The following ALX3 variants were observed in gnomAD, a reference collection of about 807,000 sequenced individuals.
The protein encoded by ALX3 is ALX homeobox 3.
In ALX3, 17 loss-of-function variants were observed where a neutral mutation model predicts 26.3. The observed-to-expected ratio is 0.65, with a 90% CI of 0.44 to 0.97. The LOEUF (loss-of-function observed/expected upper bound fraction) is 0.97, where lower values mean the gene tolerates loss of function less well. ALX3 is among the 50% of genes least tolerant of loss of function. ALX3 has a pLI of 0.00. For synonymous variants in ALX3, 208 were observed against 201.4 expected, an observed-to-expected ratio of 1.03 and a Z score of -0.28; for missense variants, 461 against 466.5, an observed-to-expected ratio of 0.99 and a Z score of 0.11.
rs745864846 is a variant in ALX3, at chr1:110,060,720, T to G, written c.*13A>C. On this transcript the variant is annotated 3_prime_UTR_variant, in exon 4 of 4. Transcript: ENST00000647563. ...AGAGGTGGGCAGCTCATTCTGCAGG[T>G]CCATGCAACCGATCACGTGGTCCAG... 1.5e-5 allele frequency: 21 copies of G among 1,392,740 alleles called. No homozygotes were observed. The Admixed American group carries it at 4.5e-4, about 30-fold the overall frequency. The allele number at this position is 1,392,740 out of a possible 1,614,324, so 86.3% of individuals were successfully genotyped here.
Position 110,060,727 on chromosome 1 carries a change from AACCGATC to A in ALX3, c.1031_*5del. ...GGCAGCTCATTCTGCAGGTCCATGC[AACCGATC>A]ACGTGGTCCAGTTCAGAAGGCCGGG... is the stretch of plus-strand genomic sequence containing the variant. On this transcript the variant is annotated stop_lost and 3_prime_UTR_variant, in exon 4 of 4. Coordinates refer to ENST00000647563, the MANE Select transcript of ALX3 (RefSeq NM_006492.3). The A allele has an allele frequency of 1.4e-6, 2 of 1,446,958 alleles. No homozygotes were observed. The highest frequency in any genetic ancestry group is 1.8e-6 in the Non-Finnish European group (2 of 1,092,326). 89.6% of individuals were successfully genotyped at this position (1,446,958 alleles called of 1,614,324 possible). A position where few individuals can be genotyped will look rare whatever the true frequency, so the allele number is the denominator to read the frequency against.
intron 2 of ALX3, among the ~76,000 whole-genome samples, chr1:110,063,916 G>A (rs116339159): frequency 0.012 from 1,753 of 151,964 alleles, 20 homozygotes; most frequent in South Asian, 0.04. Flanking sequence ...CCCACAGGCT[G>A]GGCTCCCCCC....
chr1:110,070,227 G>A (rs1239774486), intron 1 of ALX3, 109 bp downstream of exon 1: 2 of 1,202,114 alleles, frequency 1.7e-6, no homozygotes, highest in Admixed American at 8.0e-5. Flanking sequence ...GGGGCAAAAA[G>A]TTGAGAAATA....
intron 1 of ALX3, among the ~76,000 whole-genome samples, chr1:110,067,368 A>G (rs969154177): frequency 1.8e-4 from 28 of 152,286 alleles, no homozygotes; most frequent in African/African-American, 6.5e-4. Context: ...CTCATGTTGG[A>G]GACAGCCTGA....
At chr1:110,064,991 C>T in intron 1 of ALX3, 88 bp from the exon 2 acceptor site, 5 of 1,292,596 alleles carry the variant, frequency 3.9e-6, no homozygotes, top group Non-Finnish European at 4.2e-6. Context: ...AACATTGACG[C>T]CTCAGTCTCC....
intron 2 of ALX3, chr1:110,062,645 GGAGTAATCCGTCTACCCCAGC>G (rs1653681823): frequency 1.5e-5 from 2 of 132,300 alleles, no homozygotes; most frequent in African/African-American, 5.6e-5. Context: ...GTGTGTGTGT[GGAGTAATCCGTCTACCCCAGC>G]TGGGATCAGG....
intron 1 of ALX3, among the ~76,000 whole-genome samples, chr1:110,068,892 C>T (rs566608853): frequency 6.6e-6 from 1 of 152,362 alleles, no homozygotes; most frequent in African/African-American, 2.4e-5. Flanking sequence ...TGGGTTTCTC[C>T]CGGCCGCTCG....
In ALX3 at chr1:110,060,670, G is replaced by GTGTCCAGGCAGGGGTGGA; in HGVS notation, c.*62_*63insTCCACCCCTGCCTGGACA. 3 of 441,466 alleles carry GTGTCCAGGCAGGGGTGGA rather than the reference G, an allele frequency of 6.8e-6. No homozygotes were observed. The highest frequency in any genetic ancestry group is 6.0e-6 in the Non-Finnish European group (2 of 332,242). 27.3% of individuals were successfully genotyped at this position (441,466 alleles called of 1,614,324 possible). On this transcript the variant is annotated 3_prime_UTR_variant, in exon 4 of 4. Coordinates refer to ENST00000647563, the MANE Select transcript of ALX3 (RefSeq NM_006492.3). ...ATCTGGGGCTTGGAGGCAGAGGTGG[G>GTGTCCAGGCAGGGGTGGA]CTGGGAGCGACTGGGAATGGAAAAA... is the stretch of plus-strand genomic sequence containing the variant.
intron 1 of ALX3, among the ~76,000 whole-genome samples, chr1:110,066,578 C>CCCG (rs1366634310): frequency 3.2e-5 from 4 of 124,906 alleles, no homozygotes; most frequent in Non-Finnish European, 5.3e-5. Flanking sequence ...GACATCCCCC[C>CCCG]CCCCCGCCCC....
At chr1:110,070,225 A>G in intron 1 of ALX3, 111 bp downstream of exon 1, 1 of 1,194,216 alleles carries the variant, frequency 8.4e-7, no homozygotes, top group East Asian at 3.1e-5. Flanking sequence ...GAGGGGCAAA[A>G]AGTTGAGAAA....
rs1653894207 is a variant in ALX3, at chr1:110,070,524, C to T, written c.89G>A (p.Gly30Glu). Residue 30 changes from glycine (G) to glutamate (E), a missense_variant, in exon 1 of 4, where the codon GGA becomes GAA. Transcript: ENST00000647563. ...CAGGTGAGGCGCAGCGGCGGGGGTTCCCTGCGGGCCCGGAGGCTCGTCCCC... is the reference window on the plus strand; with the variant it reads ...CAGGTGAGGCGCAGCGGCGGGGGTTTCCTGCGGGCCCGGAGGCTCGTCCCC... ...ASGDEPPGPQ[G>E]TPAAAPHLHP... The T allele has an allele frequency of 7.8e-7, 1 of 1,285,596 alleles. No individual in the cohort carries two copies. Among genetic ancestry groups the T allele is most frequent in the Non-Finnish European group, 9.8e-7 (1 of 1,016,818 alleles). 79.6% of individuals were successfully genotyped at this position (1,285,596 alleles called of 1,614,324 possible).
chr1:110,066,379 G>A (rs1285079643), intron 1 of ALX3, among the ~76,000 whole-genome samples: 4 of 152,190 alleles, frequency 2.6e-5, no homozygotes, highest in Non-Finnish European at 4.4e-5. Context: ...TACAGCCCAG[G>A]GACCAGGGCT....
Position 110,060,799 on chromosome 1 carries a change from AG to A in ALX3, c.965del (p.Ser322PhefsTer9). The A allele has an allele frequency of 6.2e-7, 1 of 1,613,696 alleles. No individual in the cohort carries two copies. The highest frequency in any genetic ancestry group is 8.5e-7 in the Non-Finnish European group (1 of 1,179,816). ...FEPSSDGDYK[S>X]PSLVSLRVKP... ...TTACCCTGAGCGAGACGAGGCTTGG[AG>A]ACTTATAGTCACCATCTGAGGAAGG... On this transcript the variant is annotated frameshift_variant, in exon 4 of 4. Transcript: ENST00000647563. LOFTEE classifies it high-confidence loss of function.
intron 1 of ALX3, among the ~76,000 whole-genome samples, chr1:110,066,370 A>G (rs1277189211): frequency 6.6e-6 from 1 of 152,224 alleles, no homozygotes; most frequent in Non-Finnish European, 1.5e-5. Flanking sequence ...GCCCACAGCT[A>G]CAGCCCAGGG....
intron 1 of ALX3, among the ~76,000 whole-genome samples, chr1:110,068,619 C>G (rs1653844488): frequency 6.6e-6 from 1 of 152,112 alleles, no homozygotes; most frequent in Non-Finnish European, 1.5e-5. Context: ...TTAGTCTGCT[C>G]CCTCCCTCTT....
chr1:110,065,895 C>G (rs1653769405), intron 1 of ALX3, among the ~76,000 whole-genome samples: 1 of 152,252 alleles, frequency 6.6e-6, no homozygotes. Context: ...TGCCCACACC[C>G]TCTCCCTCTG....
intron 2 of ALX3, among the ~76,000 whole-genome samples, chr1:110,064,053 G>A (rs904023): frequency 0.63 from 95,072 of 151,696 alleles, 30,000 homozygotes; most frequent in East Asian, 0.8. Flanking sequence ...GGGTCTGAGC[G>A]CTGGCAGGGA....
Position 110,060,861 on chromosome 1 carries a change from C to T in ALX3, c.904G>A (p.Gly302Ser). Residue 302 changes from glycine to serine, a missense_variant, in exon 4 of 4, where the codon GGC (glycine) becomes AGC (serine). Transcript: ENST00000647563. The part of the protein sequence containing the change: ...AAHPGIYSIH[G>S]FPPTLGGHSF... The stretch of plus-strand genomic sequence containing the variant: ...TGGCCCCCCAGGGTGGGGGGAAAGC[C>T]ATGGATGGAGTAGATGCCAGGGTGA... 1 of 1,613,946 alleles carries T rather than the reference C, an allele frequency of 6.2e-7. No homozygotes were observed. The highest frequency in any genetic ancestry group is 1.1e-5 in the South Asian group (1 of 91,082).
intron 1 of ALX3, among the ~76,000 whole-genome samples, chr1:110,069,709 G>A (rs144637386): frequency 6.6e-6 from 1 of 152,348 alleles, no homozygotes; most frequent in Non-Finnish European, 1.5e-5. Flanking sequence ...TAAGAATACA[G>A]TTATTCCGTC....
Sources: gnomAD v4.1 joint callset for allele counts (sites outside exome capture counted in the v4.1 genomes callset) on GRCh38, gnomAD v4.1.1 for gene constraint, MANE v1.5 for transcripts, NCBI Gene and HGNC (gene_info 2026-07-23, HGNC 2026-07-21) for gene names.